Variants in SLC16A10 observed in about 807,000 individuals in gnomAD.
The protein encoded by SLC16A10 is solute carrier family 16 member 10, also known as monocarboxylate transporter 10.
A neutral mutation model predicts 40.0 loss-of-function variants in SLC16A10; 27 were observed. That is an observed-to-expected ratio of 0.67 (90% CI 0.50 to 0.93). The LOEUF (loss-of-function observed/expected upper bound fraction) is 0.93. Among genes scored for constraint, SLC16A10 ranks in the 40% least tolerant of loss-of-function variants. SLC16A10 has a pLI of 0.00. For missense variants in SLC16A10, 529 were observed against 658.2 expected (o/e 0.80, Z 2.15); for synonymous variants, 213 against 249.8 (o/e 0.85, Z 1.39).
In SLC16A10 at chr6:111,106,013, G is replaced by A. The variant is rs767700184; in HGVS notation, c.343+17918G>A. ...CTTCATTTACAGAATCTGTATTAAAGCAAAAGTCAGCATGTAAGGTGGTAT... is the reference window on the plus strand; with the variant it reads ...CTTCATTTACAGAATCTGTATTAAAACAAAAGTCAGCATGTAAGGTGGTAT... On this transcript the variant is annotated intron_variant, in intron 1 of 5. Coordinates refer to ENST00000368851, the MANE Select transcript of SLC16A10 (RefSeq NM_018593.5). 2.1e-4 allele frequency among the ~76,000 whole-genome samples: 32 copies of A among 152,172 alleles called. 1 individual carries two copies. Among genetic ancestry groups the A allele is most frequent in the Non-Finnish European group, 8.8e-5 (6 of 68,024 alleles).
intron 1 of SLC16A10, among the ~76,000 whole-genome samples, chr6:111,171,942 A>C (rs6919490): frequency 0.024 from 3,678 of 152,302 alleles, 139 homozygotes; most frequent in African/African-American, 0.082. Context: ...CTTTGCTAAG[A>C]AAATAGAGTA....
chr6:111,224,759 T>G lies in SLC16A10; in HGVS notation c.*2524T>G, dbSNP rs1174331044. On this transcript the variant is annotated 3_prime_UTR_variant, in exon 6 of 6. Coordinates refer to ENST00000368851, the MANE Select transcript of SLC16A10 (RefSeq NM_018593.5). ...AAAATGAAAAATACTAATATAAAAA[T>G]TTGTGCTTTAATCTAGTCAAACTAA... The G allele has an allele frequency of 6.6e-6, 1 of 152,178 alleles. No individual in the cohort carries two copies. The highest frequency in any genetic ancestry group is 1.9e-4 in the East Asian group (1 of 5,198). 9.4% of individuals were successfully genotyped at this position (152,178 alleles called of 1,614,324 possible). A position where few individuals can be genotyped will look rare whatever the true frequency, so the allele number is the denominator to read the frequency against.
intron 1 of SLC16A10, among the ~76,000 whole-genome samples, chr6:111,105,651 CAAG>C (rs921659143): frequency 5.5e-4 from 84 of 152,306 alleles, no homozygotes; most frequent in African/African-American, 2.0e-3. Context: ...CAGTGAGACT[CAAG>C]AGAGTGTCAA....
chr6:111,144,148 TA>T (rs993111856), intron 1 of SLC16A10, among the ~76,000 whole-genome samples: 7 of 150,932 alleles, frequency 4.6e-5, no homozygotes, highest in African/African-American at 1.5e-4. Flanking sequence ...AAACTGCTCT[TA>T]AAAAAAAAGG....
At chr6:111,123,314 T>A (rs1409781722) in intron 1 of SLC16A10, among the ~76,000 whole-genome samples, 1 of 152,230 alleles carries the variant, frequency 6.6e-6, no homozygotes, top group Non-Finnish European at 1.5e-5. Context: ...TCAGGTTGTT[T>A]TAATGCTTGC....
At chr6:111,217,650 C>T in intron 4 of SLC16A10, among the ~76,000 whole-genome samples, 1 of 152,054 alleles carries the variant, frequency 6.6e-6, no homozygotes, top group East Asian at 1.9e-4. Context: ...CGGGGTTTCA[C>T]CTTGTTAGCC....
chr6:111,131,275 A>G (rs1255516403), intron 1 of SLC16A10, among the ~76,000 whole-genome samples: 2 of 152,182 alleles, frequency 1.3e-5, no homozygotes, highest in South Asian at 2.1e-4. Context: ...GGGGCTTGCC[A>G]TTGTTCCTGC....
intron 1 of SLC16A10, among the ~76,000 whole-genome samples, chr6:111,152,595 T>C (rs1263773099): frequency 6.6e-6 from 1 of 152,256 alleles, no homozygotes; most frequent in African/African-American, 2.4e-5. Context: ...AACACCTTAA[T>C]GAATCAGGGT....
chr6:111,099,884 G>A (rs150480479), intron 1 of SLC16A10, among the ~76,000 whole-genome samples: 4 of 152,064 alleles, frequency 2.6e-5, no homozygotes, highest in Admixed American at 1.3e-4. Flanking sequence ...TTAGCTGGAC[G>A]TGGTGGCAGG....
chr6:111,100,952 TTCTCTCCCTCTCTCTC>T (rs1483017569), intron 1 of SLC16A10, among the ~76,000 whole-genome samples: 910 of 81,546 alleles, frequency 0.011, 16 homozygotes, highest in African/African-American at 0.037. Flanking sequence ...CTCTCGCTCT[TTCTCTCCCTCTCTCTC>T]TCTCTCTCTC....
chr6:111,155,336 C>G (rs892197470), intron 1 of SLC16A10, among the ~76,000 whole-genome samples: 1 of 151,802 alleles, frequency 6.6e-6, no homozygotes, highest in South Asian at 2.1e-4. Flanking sequence ...GTGCATGCCA[C>G]CGTGACTGGC....
chr6:111,207,516 C>A (rs185900783), intron 4 of SLC16A10, among the ~76,000 whole-genome samples: 4 of 152,306 alleles, frequency 2.6e-5, no homozygotes, highest in African/African-American at 9.6e-5. Context: ...ATGCTGAAGA[C>A]TTAAGTGAAA....
intron 5 of SLC16A10, among the ~76,000 whole-genome samples, chr6:111,220,998 TG>T (rs1770877911): frequency 6.6e-6 from 1 of 152,234 alleles, no homozygotes; most frequent in Admixed American, 6.5e-5. Context: ...TTACAGATAT[TG>T]TCTATTTTAT....
chr6:111,162,399 A>G (rs774845851), intron 1 of SLC16A10, among the ~76,000 whole-genome samples: 1 of 152,300 alleles, frequency 6.6e-6, no homozygotes, highest in Middle Eastern at 3.4e-3. Context: ...TCCTGGGCCT[A>G]TTAGAAAGTG....
chr6:111,200,216 G>A (rs1177402185), intron 3 of SLC16A10, among the ~76,000 whole-genome samples: 1 of 152,052 alleles, frequency 6.6e-6, no homozygotes, highest in Non-Finnish European at 1.5e-5. Context: ...AATATCGTTG[G>A]GCTACCAAAA....
chr6:111,195,201 A>G (rs1006217332), intron 3 of SLC16A10, among the ~76,000 whole-genome samples: 3 of 152,258 alleles, frequency 2.0e-5, no homozygotes, highest in African/African-American at 7.2e-5. Flanking sequence ...AAATAAAAGA[A>G]GTAAGTTAAT....
chr6:111,187,554 T>C (rs1022115669), intron 3 of SLC16A10, among the ~76,000 whole-genome samples: 1 of 152,144 alleles, frequency 6.6e-6, no homozygotes, highest in African/African-American at 2.4e-5. Flanking sequence ...GCCACAGTTA[T>C]AAAAGTAGCA....
At chr6:111,203,952 A>T (rs939837277) in intron 3 of SLC16A10, among the ~76,000 whole-genome samples, 55 of 150,658 alleles carry the variant, frequency 3.7e-4, no homozygotes, top group African/African-American at 1.3e-3. Flanking sequence ...TTAGTTTCAT[A>T]AAAAAAAAGA....
intron 4 of SLC16A10, among the ~76,000 whole-genome samples, chr6:111,207,096 G>A (rs548787695): frequency 6.6e-6 from 1 of 152,098 alleles, no homozygotes; most frequent in African/African-American, 2.4e-5. Context: ...CTCCCAAAGT[G>A]GCTTAAATTC....
Sources: allele counts gnomAD v4.1 joint callset (sites outside exome capture counted in the v4.1 genomes callset), GRCh38; gene constraint gnomAD v4.1.1; transcripts MANE v1.5; gene names NCBI Gene and HGNC (gene_info 2026-07-23, HGNC 2026-07-21).